SLC5A10: variants seen among roughly 807,000 people sequenced by gnomAD.
The protein encoded by SLC5A10 is sodium/mannose cotransporter SLC5A10.
A neutral mutation model predicts 68.9 loss-of-function variants in SLC5A10; 55 were observed. The ratio of observed to expected loss-of-function variants is 0.80; its 90% CI spans 0.64 to 1.00. The LOEUF (loss-of-function observed/expected upper bound fraction) is 1.00, where lower values mean the gene tolerates loss of function less well. SLC5A10 is among the 50% of genes least tolerant of loss of function. SLC5A10 has a pLI of 0.00. For missense variants in SLC5A10, 732 were observed against 819.3 expected (o/e 0.89, Z 1.30); for synonymous variants, 344 against 344.8 (o/e 1.00, Z 0.02).
rs1384744420 is a variant in SLC5A10 at position 18,958,688 on chromosome 17, T to C, written c.118T>C (p.Cys40Arg). Reference protein sequence around the residue: ...LNVAVGIWSSCRASRNTVNGY... With the variant: ...LNVAVGIWSSRRASRNTVNGY... ...CCCTTTTCTCCTCTTGCAGTCCTCT[T>C]GTCGGGCCAGTAGGAACACGGTGAA... Residue 40 changes from cysteine (C) to arginine (R), a missense_variant, in exon 2 of 15, where the codon TGT becomes CGT. Physicochemically the swap from Cys to Arg is radical, Grantham distance 180 (BLOSUM62 -3). Transcript: ENST00000395645. 6.2e-7 allele frequency: 1 copy of C among 1,614,062 alleles called. No homozygotes were observed. Among genetic ancestry groups the C allele is most frequent in the East Asian group, 2.2e-5 (1 of 44,898 alleles).
At chr17:18,970,882 G>A (rs2042824230) in intron 7 of SLC5A10, 131 bp from the exon 8 acceptor site, 1 of 762,402 alleles carries the variant, frequency 1.3e-6, no homozygotes, top group East Asian at 2.7e-5. Context: ...CAAACACTGG[G>A]AAAGATGAGG....
Position 19,000,534 on chromosome 17 carries a change from C to T in SLC5A10, c.983-12876C>T, listed in dbSNP as rs1481217775. Reference sequence around the variant, plus strand: ...ACAGCAGTCCTGACAGGAACACAGCCGCTCCCCTAAGTGCTGCGTCACTTC... The same window carrying T: ...ACAGCAGTCCTGACAGGAACACAGCTGCTCCCCTAAGTGCTGCGTCACTTC... On this transcript the variant is annotated intron_variant, in intron 9 of 14. Coordinates refer to ENST00000395645, the MANE Select transcript of SLC5A10 (RefSeq NM_001042450.4). The surrounding 1 kb of genome is among the most constrained non-coding windows in gnomAD (Gnocchi z 5.2). 2.0e-5 allele frequency among the ~76,000 whole-genome samples: 3 copies of T among 152,108 alleles called. No individual in the cohort carries two copies. The highest frequency in any genetic ancestry group is 2.1e-4 in the South Asian group (1 of 4,814).
chr17:19,011,697 T>C (rs2044017554), intron 9 of SLC5A10, among the ~76,000 whole-genome samples: 1 of 150,702 alleles, frequency 6.6e-6, no homozygotes, highest in Admixed American at 6.6e-5. Context: ...GGGAGGTGCC[T>C]GGGGGATGAC....
In SLC5A10 at chr17:19,020,432, C is replaced by T. The variant is rs781339477; in HGVS notation, c.*1C>T. 6.2e-7 allele frequency: 1 copy of T among 1,613,642 alleles called. No individual in the cohort carries two copies. The highest frequency in any genetic ancestry group is 8.5e-7 in the Non-Finnish European group (1 of 1,179,856). On this transcript the variant is annotated 3_prime_UTR_variant, in exon 15 of 15. Coordinates refer to ENST00000395645, the MANE Select transcript of SLC5A10 (RefSeq NM_001042450.4). ...ATTCTTTTATGCCTACTTCGCCTGA[C>T]ACTGCCATCCTGGACAGAAAGGCAG...
At chr17:18,973,183 A>T (rs1425826893) in intron 8 of SLC5A10, among the ~76,000 whole-genome samples, 1 of 152,156 alleles carries the variant, frequency 6.6e-6, no homozygotes. Flanking sequence ...GAGCCCCTTT[A>T]CACCCGCCAC....
rs572845351 is a variant in SLC5A10, at chr17:19,016,631, G to A, written c.1241+1432G>A. Reference sequence around the variant, plus strand: ...GGCCCTGTTGGGACACGCCAGAGGCGGGTGCGAGTGAGCTCATCCACGGGC... The same window carrying A: ...GGCCCTGTTGGGACACGCCAGAGGCAGGTGCGAGTGAGCTCATCCACGGGC... On this transcript the variant is annotated intron_variant, in intron 11 of 14. Coordinates refer to ENST00000395645, the MANE Select transcript of SLC5A10 (RefSeq NM_001042450.4). Among the ~76,000 whole-genome samples, 10 of 152,284 alleles carry A rather than the reference G, an allele frequency of 6.6e-5. No individual in the cohort carries two copies. The East Asian group carries it at 1.4e-3, about 21-fold the overall frequency.
Position 19,003,405 on chromosome 17 carries a change from A to G in SLC5A10, c.983-10005A>G, listed in dbSNP as rs981351066. On this transcript the variant is annotated intron_variant, in intron 9 of 14. Transcript: ENST00000395645. The surrounding 1 kb of genome is among the most constrained non-coding windows in gnomAD (Gnocchi z 4.5). Reference sequence around the variant, plus strand: ...CCAAGAGGCAGCCAGGGAAAACAGCAGAGATCCCTAGAAGCCCATGTTGGG... The same window carrying G: ...CCAAGAGGCAGCCAGGGAAAACAGCGGAGATCCCTAGAAGCCCATGTTGGG... 1 of 1,132,302 alleles carries G rather than the reference A, an allele frequency of 8.8e-7. No individual in the cohort carries two copies. The highest frequency in any genetic ancestry group is 1.2e-6 in the Non-Finnish European group (1 of 850,920). The allele number at this position is 1,132,302 out of a possible 1,614,324, so 70.1% of individuals were successfully genotyped here.
chr17:18,984,036 C>T lies in SLC5A10; in HGVS notation c.982+7047C>T, dbSNP rs887902839. Among the ~76,000 whole-genome samples the T allele has an allele frequency of 2.0e-5, 3 of 152,146 alleles. No homozygotes were observed. In the East Asian group the frequency reaches 5.8e-4, roughly 29 times the overall value. On this transcript the variant is annotated intron_variant, in intron 9 of 14. Coordinates refer to ENST00000395645, the MANE Select transcript of SLC5A10 (RefSeq NM_001042450.4). ...CAAATGTCCCTCAGCAGAGTGAATCCCCCCCGTTTGAGAACCCCTGCCTTG... is the reference window on the plus strand; with the variant it reads ...CAAATGTCCCTCAGCAGAGTGAATCTCCCCCGTTTGAGAACCCCTGCCTTG...
chr17:18,986,830 G>A (rs923764838), intron 9 of SLC5A10, among the ~76,000 whole-genome samples: 1 of 152,208 alleles, frequency 6.6e-6, no homozygotes, highest in East Asian at 1.9e-4. Flanking sequence ...CCTGGGCATC[G>A]GGCAGGGCCA....
chr17:19,011,137 G>A (rs1422977776), intron 9 of SLC5A10, among the ~76,000 whole-genome samples: 1 of 152,228 alleles, frequency 6.6e-6, no homozygotes, highest in East Asian at 1.9e-4. Flanking sequence ...CCTCCGTCCT[G>A]GTGGGGAAGG....
chr17:18,964,750 G>A lies in SLC5A10; in HGVS notation c.453+4098G>A, dbSNP rs577902472. Among the ~76,000 whole-genome samples, 303 of 152,296 alleles carry A rather than the reference G, an allele frequency of 2.0e-3. 1 individual carries two copies. Among genetic ancestry groups the A allele is most frequent in the Admixed American group, 6.7e-3 (102 of 15,304 alleles). On this transcript the variant is annotated intron_variant, in intron 5 of 14. Coordinates refer to ENST00000395645, the MANE Select transcript of SLC5A10 (RefSeq NM_001042450.4). The stretch of plus-strand genomic sequence containing the variant: ...TGGGGGTGTCTAGGGATATGGAGGG[G>A]CAGCAATGACCAAGAGCGGAGAGGC...
chr17:18,968,440 C>T lies in SLC5A10; in HGVS notation c.454-612C>T, dbSNP rs1198401034. ...AGGCAGAGGTTGGCCTCCAGGCTAG[C>T]GCTCCTGCCTTTAGGAGGAGCAGCC... On this transcript the variant is annotated intron_variant, in intron 5 of 14. Coordinates refer to ENST00000395645, the MANE Select transcript of SLC5A10 (RefSeq NM_001042450.4). The surrounding 1 kb of genome is among the most constrained non-coding windows in gnomAD (Gnocchi z 4.1). 6.6e-6 allele frequency among the ~76,000 whole-genome samples: 1 copy of T among 152,208 alleles called. No individual in the cohort carries two copies. The highest frequency in any genetic ancestry group is 1.5e-5 in the Non-Finnish European group (1 of 68,018).
At chr17:19,009,967 A>G (rs2043980445) in intron 9 of SLC5A10, among the ~76,000 whole-genome samples, 1 of 152,050 alleles carries the variant, frequency 6.6e-6, no homozygotes, top group South Asian at 2.1e-4. Context: ...GGAACAGCAA[A>G]CACAGAGACC....
At chr17:18,978,250 T>TG in intron 9 of SLC5A10, 1 of 1,601,534 alleles carries the variant, frequency 6.2e-7, no homozygotes, top group Non-Finnish European at 8.5e-7. Context: ...GGCAAGGCTC[T>TG]GGACGGGGCC....
rs1175970689 is a variant in SLC5A10 at position 18,976,768 on chromosome 17, C to A, written c.847-86C>A. 6 of 1,535,414 alleles carry A rather than the reference C, an allele frequency of 3.9e-6. No homozygotes were observed. The Admixed American group carries it at 1.1e-4, about 27-fold the overall frequency. ...TAATGGGACATCATCGTGCCTCATG[C>A]CCATTCCCTGAGGCCCACCAAGGAC... On this transcript the variant is annotated intron_variant, in intron 8 of 14. Coordinates refer to ENST00000395645, the MANE Select transcript of SLC5A10 (RefSeq NM_001042450.4).
At chr17:18,978,302 G>C (rs759412760) in intron 9 of SLC5A10, 2 of 1,611,134 alleles carry the variant, frequency 1.2e-6, no homozygotes, top group Non-Finnish European at 1.7e-6. Flanking sequence ...CTGGGCGCTG[G>C]CCTGGGAGGT....
chr17:18,978,387 C>A lies in SLC5A10; in HGVS notation c.982+1398C>A. 1.9e-6 allele frequency: 3 copies of A among 1,591,320 alleles called. No homozygotes were observed. Among genetic ancestry groups the A allele is most frequent in the Non-Finnish European group, 2.6e-6 (3 of 1,168,976 alleles). ...TTGGGGTCGATGATATTGATGTAGCCCAGGATGTCGCTGCCAGGCTCCGGG... is the reference window on the plus strand; with the variant it reads ...TTGGGGTCGATGATATTGATGTAGCACAGGATGTCGCTGCCAGGCTCCGGG... On this transcript the variant is annotated intron_variant, in intron 9 of 14. Transcript: ENST00000395645.
intron 9 of SLC5A10, chr17:18,978,217 G>T: frequency 1.3e-6 from 2 of 1,577,442 alleles, no homozygotes; most frequent in Non-Finnish European, 1.7e-6. Context: ...CACCGTCCTG[G>T]GGGGCACTGG....
In SLC5A10 at chr17:19,004,105, C is replaced by T; in HGVS notation, c.983-9305C>T. On this transcript the variant is annotated intron_variant, in intron 9 of 14. Transcript: ENST00000395645. The surrounding 1 kb of genome is among the most constrained non-coding windows in gnomAD (Gnocchi z 5.4). ...GGCAAGGTCCAGCTCCTAGCTCCGG[C>T]CCAGCTGGGGCACCGCGCGCTCGGG... 1 of 1,493,584 alleles carries T rather than the reference C, an allele frequency of 6.7e-7. No homozygotes were observed. Among genetic ancestry groups the T allele is most frequent in the Admixed American group, 2.2e-5 (1 of 44,862 alleles). The allele number at this position is 1,493,584 out of a possible 1,614,324, so 92.5% of individuals were successfully genotyped here.
Sources: allele counts gnomAD v4.1 joint callset (sites outside exome capture counted in the v4.1 genomes callset), GRCh38; gene constraint gnomAD v4.1.1; non-coding constraint Gnocchi (gnomAD v3.1); transcripts MANE v1.5; gene names NCBI Gene and HGNC (gene_info 2026-07-23, HGNC 2026-07-21).